DCPH1: variants seen among roughly 807,000 people sequenced by gnomAD.
DCPH1 encodes damage-control phosphatase 1.
chr6:151,463,518 G>A, the DCPH1 span, among the ~76,000 whole-genome samples: 2 of 152,126 alleles, frequency 1.3e-5, no homozygotes, highest in African/African-American at 2.4e-5. Context: ...TTCCTAAAGA[G>A]GAATTCCAAA....
chr6:151,462,459 T>G, the DCPH1 span, among the ~76,000 whole-genome samples: 1 of 152,256 alleles, frequency 6.6e-6, no homozygotes, highest in African/African-American at 2.4e-5. Flanking sequence ...CTGGCTTCTT[T>G]CACTCATTTT....
chr6:151,454,679 T>C, the DCPH1 span: 18 of 1,145,326 alleles, frequency 1.6e-5, no homozygotes, highest in Admixed American at 6.7e-5. Context: ...ACTTTTAATT[T>C]TTTGTTAATT....
At chr6:151,457,798 C>T in the DCPH1 span, among the ~76,000 whole-genome samples, 4 of 151,570 alleles carry the variant, frequency 2.6e-5, no homozygotes, top group African/African-American at 9.7e-5. Context: ...AATGTAAAAC[C>T]AAGGTGTGAA....
At chr6:151,465,917 A>T in the DCPH1 span, among the ~76,000 whole-genome samples, 2 of 152,186 alleles carry the variant, frequency 1.3e-5, no homozygotes, top group African/African-American at 4.8e-5. Flanking sequence ...AAAAATTGTC[A>T]GGACATTGTT....
the DCPH1 span, among the ~76,000 whole-genome samples, chr6:151,465,682 C>G: frequency 0.05 from 7,629 of 152,104 alleles, 236 homozygotes; most frequent in Non-Finnish European, 0.075. Flanking sequence ...GAATAGACTG[C>G]AGGGGCTGAA....
At chr6:151,461,750 G>A in the DCPH1 span, among the ~76,000 whole-genome samples, 6 of 152,188 alleles carry the variant, frequency 3.9e-5, no homozygotes, top group Non-Finnish European at 7.3e-5. Context: ...TGGGGCCTGG[G>A]TATCAGTTTT....
At chr6:151,458,424 T>C in the DCPH1 span, 11 of 1,613,772 alleles carry the variant, frequency 6.8e-6, no homozygotes, top group South Asian at 1.1e-5. Context: ...GGTTGAGAAA[T>C]TTGTTGATAC....
At chr6:151,458,572 G>T in the DCPH1 span, 3 of 1,600,914 alleles carry the variant, frequency 1.9e-6, no homozygotes, top group Non-Finnish European at 2.6e-6. Flanking sequence ...ATTATCCAGA[G>T]GTACGTGTGT....
the DCPH1 span, chr6:151,454,506 T>C: frequency 1.1e-6 from 1 of 921,062 alleles, no homozygotes; most frequent in Non-Finnish European, 1.8e-6. Context: ...TCTTCTAGTA[T>C]TGATGCTGCT....
chr6:151,459,041 G>C, the DCPH1 span, among the ~76,000 whole-genome samples: 1 of 152,124 alleles, frequency 6.6e-6, no homozygotes, highest in Non-Finnish European at 1.5e-5. Context: ...GGAGGCTGAG[G>C]AATGGGAATT....
chr6:151,456,397 C>T, the DCPH1 span, among the ~76,000 whole-genome samples: 2 of 152,200 alleles, frequency 1.3e-5, no homozygotes, highest in Non-Finnish European at 2.9e-5. Context: ...CTACTTCTTT[C>T]AACTTCTTTT....
At chr6:151,457,541 T>A in the DCPH1 span, among the ~76,000 whole-genome samples, 11 of 152,308 alleles carry the variant, frequency 7.2e-5, no homozygotes, top group South Asian at 2.3e-3. Context: ...TTTCTGAACC[T>A]GCAGAATCTC....
the DCPH1 span, among the ~76,000 whole-genome samples, chr6:151,455,854 T>C: frequency 6.6e-6 from 1 of 152,286 alleles, no homozygotes; most frequent in South Asian, 2.1e-4. Context: ...AATACCTGGC[T>C]TTCCTAGGCA....
chr6:151,454,693 C>A, the DCPH1 span: 4 of 968,716 alleles, frequency 4.1e-6, no homozygotes, highest in South Asian at 2.8e-5. Context: ...GTTAATTTCT[C>A]AACAGAAACA....
At chr6:151,467,102 A>G in the DCPH1 span, among the ~76,000 whole-genome samples, 2 of 152,020 alleles carry the variant, frequency 1.3e-5, no homozygotes, top group African/African-American at 4.8e-5. Flanking sequence ...AATACAAAAA[A>G]TTAGCCAGGC....
the DCPH1 span, among the ~76,000 whole-genome samples, chr6:151,457,181 G>C: frequency 2.0e-5 from 3 of 152,110 alleles, no homozygotes; most frequent in Non-Finnish European, 4.4e-5. Context: ...CCCCACCTCA[G>C]CGGTCAAACG....
At chr6:151,455,384 T>C in the DCPH1 span, among the ~76,000 whole-genome samples, 1 of 152,232 alleles carries the variant, frequency 6.6e-6, no homozygotes, top group Non-Finnish European at 1.5e-5. Flanking sequence ...TTAGTATTTA[T>C]TGATCATTCG....
the DCPH1 span, among the ~76,000 whole-genome samples, chr6:151,466,615 C>T: frequency 2.3e-4 from 35 of 152,272 alleles, no homozygotes; most frequent in East Asian, 6.8e-3. Context: ...CCACTGTCGA[C>T]ACACACATTT....
chr6:151,458,179 G>T, the DCPH1 span: 2 of 1,039,114 alleles, frequency 1.9e-6, no homozygotes, highest in African/African-American at 1.6e-5. Context: ...TTGATTTTCA[G>T]TTTAAGAGTT....
Sources: allele counts gnomAD v4.1 joint callset (sites outside exome capture counted in the v4.1 genomes callset), GRCh38; gene constraint gnomAD v4.1.1; transcripts MANE v1.5; gene names NCBI Gene and HGNC (gene_info 2026-07-23, HGNC 2026-07-21).